Variants in ATG7 observed in about 807,000 individuals in gnomAD.
ATG7 encodes the protein autophagy related 7, also known as ubiquitin-like modifier-activating enzyme ATG7.
ATG7 carries 70 observed loss-of-function variants against 82.4 expected under a neutral mutation model. That is an observed-to-expected ratio of 0.85 (90% CI 0.70 to 1.04). ATG7 has a LOEUF of 1.04. ATG7 is among the 50% of genes least tolerant of loss of function. ATG7 has a pLI of 0.00. For synonymous variants in ATG7, 287 were observed against 313.0 expected (o/e 0.92, Z 0.88); for missense variants, 792 against 864.3 (o/e 0.92, Z 1.05).
intron 1 of ATG7, among the ~76,000 whole-genome samples, chr3:11,279,052 C>G (rs1575111822): frequency 6.6e-6 from 1 of 152,176 alleles, no homozygotes; most frequent in South Asian, 2.1e-4. Flanking sequence ...TCAGCTTCCT[C>G]CCTTTGCCTG....
chr3:11,380,923 G>T (rs144719381), intron 19 of ATG7, among the ~76,000 whole-genome samples: 162 of 152,314 alleles, frequency 1.1e-3, no homozygotes, highest in African/African-American at 3.5e-3. Context: ...TCTATTCTGA[G>T]TTGACAAGCT....
chr3:11,413,740 C>A (rs2081126773), intron 19 of ATG7, among the ~76,000 whole-genome samples: 1 of 152,174 alleles, frequency 6.6e-6, no homozygotes, highest in African/African-American at 2.4e-5. Flanking sequence ...CTACTGCTGG[C>A]CTCATAGAAT....
intron 20 of ATG7, among the ~76,000 whole-genome samples, chr3:11,455,065 C>T (rs993472668): frequency 1.5e-4 from 23 of 152,154 alleles, no homozygotes; most frequent in African/African-American, 5.3e-4. Flanking sequence ...CATATAAATT[C>T]TAATGAAGGA....
intron 7 of ATG7, among the ~76,000 whole-genome samples, chr3:11,313,038 C>T (rs998904753): frequency 6.6e-6 from 1 of 152,154 alleles, no homozygotes; most frequent in Admixed American, 6.5e-5. Context: ...TTACATATTG[C>T]ACATTTTCTG....
At chr3:11,451,835 C>A (rs2454507) in intron 20 of ATG7, among the ~76,000 whole-genome samples, 119,359 of 144,242 alleles carry the variant, frequency 0.83, 49,181 homozygotes, top group East Asian at 0.97. Context: ...CTGTCTCTCT[C>A]TATCTCTCTC....
intron 20 of ATG7, among the ~76,000 whole-genome samples, chr3:11,497,345 G>A (rs1322706730): frequency 8.2e-5 from 7 of 85,474 alleles, no homozygotes; most frequent in African/African-American, 3.4e-4. Flanking sequence ...AACCCCGTCT[G>A]TACTAAAAAT....
At chr3:11,462,513 T>G (rs1199168076) in intron 20 of ATG7, among the ~76,000 whole-genome samples, 1 of 152,014 alleles carries the variant, frequency 6.6e-6, no homozygotes. Context: ...CGTGAACACT[T>G]TAGGGTTGGC....
intron 20 of ATG7, among the ~76,000 whole-genome samples, chr3:11,442,406 A>G (rs2084065434): frequency 6.6e-6 from 1 of 152,210 alleles, no homozygotes; most frequent in South Asian, 2.1e-4. Flanking sequence ...GTTATTGGAA[A>G]CTAAATACAA....
At chr3:11,445,846 A>G (rs571123923) in intron 20 of ATG7, among the ~76,000 whole-genome samples, 1 of 152,274 alleles carries the variant, frequency 6.6e-6, no homozygotes, top group South Asian at 2.1e-4. Context: ...GCCAATCTGT[A>G]TAACAGTATC....
At chr3:11,450,937 C>T (rs1295160708) in intron 20 of ATG7, among the ~76,000 whole-genome samples, 1 of 152,200 alleles carries the variant, frequency 6.6e-6, no homozygotes, top group Non-Finnish European at 1.5e-5. Context: ...TTACTAATTT[C>T]ATCCTCCAAG....
chr3:11,401,793 G>C (rs1458955473), intron 19 of ATG7, among the ~76,000 whole-genome samples: 3 of 152,218 alleles, frequency 2.0e-5, no homozygotes, highest in Admixed American at 1.3e-4. Context: ...TAAGCTCTAA[G>C]TAATGGATGC....
At chr3:11,469,478 C>T (rs1226839160) in intron 20 of ATG7, among the ~76,000 whole-genome samples, 2 of 151,864 alleles carry the variant, frequency 1.3e-5, no homozygotes, top group African/African-American at 2.4e-5. Context: ...TAAAATCATG[C>T]CACCAACAAA....
the ATG7 span, among the ~76,000 whole-genome samples, chr3:11,576,274 C>G: frequency 4.6e-5 from 7 of 152,192 alleles, no homozygotes; most frequent in Non-Finnish European, 8.8e-5. Context: ...ACAGGCAAAA[C>G]AGATGTGTCC....
Position 11,298,804 on chromosome 3 carries a change from G to C in ATG7, c.109G>C (p.Glu37Gln). Residue 37 changes from glutamate to glutamine, a missense_variant, in exon 4 of 21, where the codon GAG becomes CAG. By Grantham distance (29) the Glu-to-Gln change is conservative (BLOSUM62 2). Coordinates refer to ENST00000693202, the MANE Select transcript of ATG7 (RefSeq NM_001349232.2). ...TGAGTTGACCCAGAAGAAGCTGAAC[G>C]AGTATCGGCTGGATGAAGCTCCCAA... Reference protein sequence around the residue: ...WHELTQKKLNEYRLDEAPKDI... With the variant: ...WHELTQKKLNQYRLDEAPKDI... 6.2e-7 allele frequency: 1 copy of C among 1,614,174 alleles called. No homozygotes were observed. The highest frequency in any genetic ancestry group is 8.5e-7 in the Non-Finnish European group (1 of 1,180,020).
intron 20 of ATG7, among the ~76,000 whole-genome samples, chr3:11,520,530 C>T (rs2092413724): frequency 6.6e-6 from 1 of 152,128 alleles, no homozygotes; most frequent in Non-Finnish European, 1.5e-5. Context: ...GGGCTGGGGA[C>T]ATGGGGATGA....
chr3:11,424,889 T>C (rs2082232416), intron 19 of ATG7, among the ~76,000 whole-genome samples: 1 of 152,230 alleles, frequency 6.6e-6, no homozygotes, highest in African/African-American at 2.4e-5. Flanking sequence ...TAGATATTGC[T>C]TTTTAAATAT....
intron 14 of ATG7, among the ~76,000 whole-genome samples, chr3:11,352,028 TG>T (rs1280723711): frequency 7.7e-6 from 1 of 129,364 alleles, no homozygotes; most frequent in African/African-American, 2.8e-5. Context: ...CAGGCACTTG[TG>T]TGTGATGTTC....
intron 20 of ATG7, among the ~76,000 whole-genome samples, chr3:11,516,286 T>G (rs1474237610): frequency 1.3e-5 from 2 of 151,888 alleles, no homozygotes; most frequent in Non-Finnish European, 2.9e-5. Context: ...TGTATACATA[T>G]GTAACAAACC....
intron 20 of ATG7, among the ~76,000 whole-genome samples, chr3:11,552,338 C>G (rs893748835): frequency 6.6e-6 from 1 of 152,156 alleles, no homozygotes; most frequent in Non-Finnish European, 1.5e-5. Flanking sequence ...TTGCCATACC[C>G]TTGTCGGCAC....
Sources: gnomAD v4.1 joint callset for allele counts (sites outside exome capture counted in the v4.1 genomes callset) on GRCh38, gnomAD v4.1.1 for gene constraint, MANE v1.5 for transcripts, NCBI Gene and HGNC (gene_info 2026-07-23, HGNC 2026-07-21) for gene names.